Variants in DENND2A observed in about 807,000 individuals in gnomAD.
The protein encoded by DENND2A is DENN domain-containing protein 2A.
DENND2A carries 53 observed loss-of-function variants against 105.3 expected under a neutral mutation model. That is an observed-to-expected ratio of 0.50 (90% CI 0.40 to 0.63). The LOEUF (loss-of-function observed/expected upper bound fraction) is 0.63. Ranked by LOEUF, DENND2A falls within the 30% of genes least tolerant of loss-of-function variation. DENND2A has a pLI of 0.00. For missense variants in DENND2A, 1,138 were observed against 1,279.6 expected, an observed-to-expected ratio of 0.89 and a Z score of 1.69; for synonymous variants, 522 against 508.4, an observed-to-expected ratio of 1.03 and a Z score of -0.36.
At position 140,522,039 on chromosome 7, in the gene DENND2A, C is replaced by T. The variant is rs747441467; in HGVS notation, c.2727G>A (p.Glu909=). Residue 909 remains glutamate, a synonymous_variant, in exon 18 of 20, where the codon GAG becomes GAA. Transcript: ENST00000496613. ...GGAACAAAGAGTAGTGTCCCACAAT[C>T]TCCACGAAGAAGCGGACAAAGGCTT... ...VSEAFVRFFV[E]IVGHYSLFLT... 2 of 1,614,196 alleles carry T rather than the reference C, an allele frequency of 1.2e-6. No homozygotes were observed. Among genetic ancestry groups the T allele is most frequent in the Non-Finnish European group, 1.7e-6 (2 of 1,180,038 alleles).
chr7:140,581,432 T>C (rs1798538023), intron 5 of DENND2A, among the ~76,000 whole-genome samples: 1 of 152,200 alleles, frequency 6.6e-6, no homozygotes, highest in African/African-American at 2.4e-5. Flanking sequence ...ATGGAAATTC[T>C]AGTGACCCGA....
rs1018996830 is a variant in DENND2A, at chr7:140,523,469, C to T, written c.2548-45G>A. The stretch of plus-strand genomic sequence containing the variant: ...GGTGGGCTTATGGGCACGGTGGCTG[C>T]GTCTTGGCCATAGGACACACTGGAG... On this transcript the variant is annotated intron_variant, in intron 16 of 19. Transcript: ENST00000496613. This position sits in a 1 kb window ranked among gnomAD's most constrained non-coding sequence, Gnocchi z 4.5. 14 of 1,566,804 alleles carry T rather than the reference C, an allele frequency of 8.9e-6. No individual in the cohort carries two copies. The highest frequency in any genetic ancestry group is 1.7e-4 in the Middle Eastern group (1 of 5,904).
At position 140,523,178 on chromosome 7, in the gene DENND2A, T is replaced by C; in HGVS notation, c.2665+129A>G. 1.2e-6 allele frequency: 1 copy of C among 802,120 alleles called. No homozygotes were observed. 49.7% of individuals were successfully genotyped at this position (802,120 alleles called of 1,614,324 possible). On this transcript the variant is annotated intron_variant, in intron 17 of 19. Coordinates refer to ENST00000496613, the MANE Select transcript of DENND2A (RefSeq NM_015689.5). The surrounding 1 kb of genome is among the most constrained non-coding windows in gnomAD (Gnocchi z 4.5). ...GGGAATGAAATCCAGATAAACAGAA[T>C]GAGGCCCTGGTTTCTCTCCTTATGT...
Position 140,518,678 on chromosome 7 carries a change from AGGAG to A in DENND2A, c.*25_*28del, listed in dbSNP as rs1795745345. The A allele has an allele frequency of 1.9e-6, 3 of 1,609,514 alleles. No homozygotes were observed. In the South Asian group the frequency reaches 3.3e-5, roughly 18 times the overall value. On this transcript the variant is annotated 3_prime_UTR_variant, in exon 20 of 20. Coordinates refer to ENST00000496613, the MANE Select transcript of DENND2A (RefSeq NM_015689.5). The stretch of plus-strand genomic sequence containing the variant: ...TGTTTTTAAAGCATAGGGCTGCACT[AGGAG>A]GAAGTTTTCCCTTGAGGCTGAGAGT...
In DENND2A at chr7:140,564,294, A is replaced by AT. The variant is rs60977409; in HGVS notation, c.1779+2791_1779+2792insA. Among the ~76,000 whole-genome samples the AT allele has an allele frequency of 5.9e-3, 843 of 142,020 alleles. 12 individuals carry two copies. The highest frequency in any genetic ancestry group is 0.021 in the African/African-American group (801 of 37,336). The allele number at this position is 142,020 out of a possible 152,430, so 93.2% of individuals were successfully genotyped here. On this transcript the variant is annotated intron_variant, in intron 9 of 19. Coordinates refer to ENST00000496613, the MANE Select transcript of DENND2A (RefSeq NM_015689.5). ...TGAGACTGTGTCAAAAAAAAAAAAA[A>AT]AAATACACACACACACACAGAAACA...
intron 1 of DENND2A, among the ~76,000 whole-genome samples, chr7:140,629,791 G>A (rs372771895): frequency 2.0e-5 from 3 of 152,032 alleles, no homozygotes; most frequent in African/African-American, 7.2e-5. Context: ...AGTGAGGCAC[G>A]GGTTGCTCTT....
At chr7:140,637,364 T>G (rs983605786) in intron 1 of DENND2A, among the ~76,000 whole-genome samples, 11 of 152,238 alleles carry the variant, frequency 7.2e-5, no homozygotes, top group African/African-American at 2.4e-4. Flanking sequence ...AAAGGGCACA[T>G]TAGCAATGTA....
intron 3 of DENND2A, among the ~76,000 whole-genome samples, chr7:140,591,789 T>C (rs1799041668): frequency 6.7e-6 from 1 of 149,154 alleles, no homozygotes; most frequent in Admixed American, 6.6e-5. Flanking sequence ...CTTTCTTTCT[T>C]TTCTTTTCTT....
intron 5 of DENND2A, among the ~76,000 whole-genome samples, chr7:140,582,114 G>C (rs967194061): frequency 6.6e-6 from 1 of 151,944 alleles, no homozygotes; most frequent in African/African-American, 2.4e-5. Flanking sequence ...ACAGGCACCC[G>C]CCACCACACC....
At chr7:140,584,927 G>A (rs373496561) in intron 5 of DENND2A, among the ~76,000 whole-genome samples, 2 of 152,192 alleles carry the variant, frequency 1.3e-5, no homozygotes, top group African/African-American at 2.4e-5. Flanking sequence ...GGCTGGGTGC[G>A]GTGGCTCATG....
intron 5 of DENND2A, among the ~76,000 whole-genome samples, chr7:140,581,844 T>A (rs1352621732): frequency 6.6e-6 from 1 of 152,194 alleles, no homozygotes; most frequent in Non-Finnish European, 1.5e-5. Flanking sequence ...TTAGCTGCTT[T>A]GGTGGCAGAG....
intron 12 of DENND2A, among the ~76,000 whole-genome samples, chr7:140,551,444 T>C (rs1242984217): frequency 6.6e-6 from 1 of 152,176 alleles, no homozygotes; most frequent in Non-Finnish European, 1.5e-5. Flanking sequence ...GTGTGCCCTT[T>C]TGTGCCTCTG....
intron 9 of DENND2A, among the ~76,000 whole-genome samples, chr7:140,561,943 G>A (rs1342121817): frequency 6.6e-6 from 1 of 151,654 alleles, no homozygotes; most frequent in Non-Finnish European, 1.5e-5. Context: ...AGGCTGGAGT[G>A]AAATGCTGCA....
chr7:140,531,726 A>G (rs368355737), intron 14 of DENND2A, among the ~76,000 whole-genome samples: 1 of 151,496 alleles, frequency 6.6e-6, no homozygotes. Flanking sequence ...GAGGCAGGAG[A>G]ATCGCTTGAA....
At chr7:140,524,690 C>G (rs1379083116) in intron 16 of DENND2A, among the ~76,000 whole-genome samples, 1 of 152,012 alleles carries the variant, frequency 6.6e-6, no homozygotes, top group Non-Finnish European at 1.5e-5. Context: ...ATCCTCCTGC[C>G]TCAGCCTCCT....
chr7:140,637,811 G>A (rs1801007497), intron 1 of DENND2A, among the ~76,000 whole-genome samples: 1 of 152,092 alleles, frequency 6.6e-6, no homozygotes, highest in Admixed American at 6.6e-5. Flanking sequence ...CCCTCTCTGG[G>A]CTATACTATG....
intron 5 of DENND2A, among the ~76,000 whole-genome samples, chr7:140,582,311 C>A (rs1798580323): frequency 6.6e-6 from 1 of 152,062 alleles, no homozygotes; most frequent in African/African-American, 2.4e-5. Context: ...CAGTTCACTC[C>A]CCGCATGAAG....
At chr7:140,586,400 CACACACAA>C (rs1363668053) in intron 4 of DENND2A, among the ~76,000 whole-genome samples, 1 of 147,794 alleles carries the variant, frequency 6.8e-6, no homozygotes, top group African/African-American at 2.6e-5. Flanking sequence ...CACACACACA[CACACACAA>C]ATTAACTGAG....
intron 1 of DENND2A, among the ~76,000 whole-genome samples, chr7:140,626,087 T>G (rs1296790833): frequency 1.3e-5 from 2 of 152,260 alleles, no homozygotes; most frequent in Non-Finnish European, 2.9e-5. Context: ...GGGTGCTGAA[T>G]GCGTCAGGGT....
Sources: allele counts gnomAD v4.1 joint callset (sites outside exome capture counted in the v4.1 genomes callset), GRCh38; gene constraint gnomAD v4.1.1; non-coding constraint Gnocchi (gnomAD v3.1); transcripts MANE v1.5; gene names NCBI Gene and HGNC (gene_info 2026-07-23, HGNC 2026-07-21).